Variants in FAT3 observed in about 807,000 individuals in gnomAD.
The protein encoded by FAT3 is FAT atypical cadherin 3.
FAT3 carries 95 observed loss-of-function variants against 310.2 expected under a neutral mutation model. That is an observed-to-expected ratio of 0.31 (90% CI 0.26 to 0.36). FAT3 has a LOEUF of 0.36. Ranked by LOEUF, FAT3 falls within the 10% of genes least tolerant of loss-of-function variation. FAT3 has a pLI of 1.00. For synonymous variants in FAT3, 2,314 were observed against 2,192.9 expected, an observed-to-expected ratio of 1.06 and a Z score of -1.54; for missense variants, 5,408 against 5,715.6, an observed-to-expected ratio of 0.95 and a Z score of 1.74.
At chr11:92,815,572 C>A (rs1565620439) in intron 13 of FAT3, among the ~76,000 whole-genome samples, 1 of 149,268 alleles carries the variant, frequency 6.7e-6, no homozygotes, top group African/African-American at 2.5e-5. Flanking sequence ...GACTCCATCT[C>A]AAAAAAAAAC....
At chr11:92,811,143 A>G (rs1222591708) in intron 13 of FAT3, among the ~76,000 whole-genome samples, 1 of 152,192 alleles carries the variant, frequency 6.6e-6, no homozygotes, top group Admixed American at 6.5e-5. Context: ...CATATTAAAG[A>G]GCTTTGTGAA....
rs1231345478 is a variant in FAT3 at position 92,840,473 on chromosome 11, G to A, written c.10369-89G>A. The A allele has an allele frequency of 2.5e-6, 3 of 1,217,340 alleles. No homozygotes were observed. The Admixed American group carries it at 8.3e-5, about 34-fold the overall frequency. The allele number at this position is 1,217,340 out of a possible 1,614,324, so 75.4% of individuals were successfully genotyped here. A position where few individuals can be genotyped will look rare whatever the true frequency, so the allele number is the denominator to read the frequency against. The stretch of plus-strand genomic sequence containing the variant: ...TCAGCACTCTCAGCCTGAAATGATG[G>A]TATTTTTGATTTGTTTTGTTTTGTT... On this transcript the variant is annotated intron_variant, in intron 17 of 27. Transcript: ENST00000525166.
intron 3 of FAT3, among the ~76,000 whole-genome samples, chr11:92,567,468 G>T (rs570529632): frequency 6.7e-5 from 10 of 149,688 alleles, no homozygotes; most frequent in Middle Eastern, 3.5e-3. Context: ...CATTGTGGAA[G>T]TCAGTGTGGC....
At chr11:92,886,887 TA>T in intron 24 of FAT3, 112 bp from the exon 25 acceptor site, 1 of 797,028 alleles carries the variant, frequency 1.3e-6, no homozygotes, top group Non-Finnish European at 2.0e-6. Context: ...TTATTTTCTC[TA>T]AGCAAATGAA....
At chr11:92,778,996 C>T (rs1946670123) in intron 7 of FAT3, among the ~76,000 whole-genome samples, 1 of 152,056 alleles carries the variant, frequency 6.6e-6, no homozygotes, top group Non-Finnish European at 1.5e-5. Context: ...AAGTGTTCCT[C>T]ATGTTAATGT....
chr11:92,792,428 G>C (rs1001194398), intron 8 of FAT3, among the ~76,000 whole-genome samples: 3 of 152,254 alleles, frequency 2.0e-5, no homozygotes, highest in Admixed American at 1.3e-4. Context: ...GTTATCAGCT[G>C]TGTACACAAA....
chr11:92,625,383 TC>T (rs2135682242), intron 3 of FAT3, among the ~76,000 whole-genome samples: 1 of 152,214 alleles, frequency 6.6e-6, no homozygotes, highest in African/African-American at 2.4e-5. Context: ...GGCTGTCAGA[TC>T]CTATAGCCTG....
chr11:92,539,716 A>C (rs145825877), intron 3 of FAT3, among the ~76,000 whole-genome samples: 21 of 152,316 alleles, frequency 1.4e-4, no homozygotes, highest in African/African-American at 5.1e-4. Context: ...AGTCAGAAGA[A>C]TTATCTGTGC....
At chr11:92,444,782 C>T (rs959571403) in intron 2 of FAT3, among the ~76,000 whole-genome samples, 2 of 151,998 alleles carry the variant, frequency 1.3e-5, no homozygotes, top group African/African-American at 2.4e-5. Context: ...ATGCATATGA[C>T]CTTCTCCTTC....
chr11:92,722,580 GAC>G (rs773367452), intron 4 of FAT3, among the ~76,000 whole-genome samples: 2 of 152,182 alleles, frequency 1.3e-5, no homozygotes, highest in Non-Finnish European at 2.9e-5. Flanking sequence ...CCCCAGTAGG[GAC>G]TGTGTGGTGG....
intron 2 of FAT3, among the ~76,000 whole-genome samples, chr11:92,442,105 A>ATTT (rs1565320166): frequency 5.4e-4 from 11 of 20,354 alleles, no homozygotes; most frequent in African/African-American, 1.7e-3. Flanking sequence ...ATATATATAT[A>ATTT]TATATATTTT....
intron 1 of FAT3, among the ~76,000 whole-genome samples, chr11:92,245,896 C>G (rs1394476154): frequency 6.6e-6 from 1 of 152,082 alleles, no homozygotes; most frequent in Non-Finnish European, 1.5e-5. Flanking sequence ...GAGAAAGAAC[C>G]ATCTGCGCAA....
chr11:92,674,908 T>C (rs1943242853), intron 3 of FAT3, among the ~76,000 whole-genome samples: 2 of 152,206 alleles, frequency 1.3e-5, no homozygotes, highest in Non-Finnish European at 2.9e-5. Context: ...GCACGATAAA[T>C]GAGTTCTGTT....
At chr11:92,809,769 AT>A (rs1947617549) in intron 12 of FAT3, 73 bp from the exon 13 acceptor site, 4 of 1,115,380 alleles carry the variant, frequency 3.6e-6, no homozygotes, top group Non-Finnish European at 5.3e-6. Context: ...TGTTTGTATA[AT>A]TGGTCCTCTG....
intron 1 of FAT3, among the ~76,000 whole-genome samples, chr11:92,326,560 C>G (rs1227434135): frequency 6.6e-6 from 1 of 152,222 alleles, no homozygotes; most frequent in Non-Finnish European, 1.5e-5. Flanking sequence ...ACATCTCTTC[C>G]TTTCATTGCC....
intron 10 of FAT3, among the ~76,000 whole-genome samples, chr11:92,802,830 C>T (rs1041782213): frequency 6.6e-6 from 1 of 152,080 alleles, no homozygotes; most frequent in African/African-American, 2.4e-5. Context: ...AATTAGACTG[C>T]CCTTAGGACA....
At chr11:92,679,270 T>C (rs1215906147) in intron 3 of FAT3, among the ~76,000 whole-genome samples, 2 of 152,154 alleles carry the variant, frequency 1.3e-5, no homozygotes, top group African/African-American at 2.4e-5. Context: ...TACAAGTATT[T>C]TTTTTTTGGT....
At chr11:92,768,436 C>A (rs1212278595) in intron 6 of FAT3, among the ~76,000 whole-genome samples, 6 of 152,212 alleles carry the variant, frequency 3.9e-5, no homozygotes, top group Admixed American at 3.3e-4. Context: ...TTGATATGGT[C>A]CACGTTCCAC....
intron 2 of FAT3, among the ~76,000 whole-genome samples, chr11:92,514,861 G>A (rs992354204): frequency 6.6e-6 from 1 of 152,112 alleles, no homozygotes; most frequent in East Asian, 1.9e-4. Flanking sequence ...GGTATAAATC[G>A]CTTTTGAAAT....
Sources: allele counts gnomAD v4.1 joint callset (sites outside exome capture counted in the v4.1 genomes callset), GRCh38; gene constraint gnomAD v4.1.1; transcripts MANE v1.5; gene names NCBI Gene and HGNC (gene_info 2026-07-23, HGNC 2026-07-21).